The following ABTB3 variants were observed in gnomAD, a reference collection of about 807,000 sequenced individuals.
ABTB3 encodes the protein ankyrin repeat and BTB domain containing 3.
chr12:107,452,237 C>T, the ABTB3 span, among the ~76,000 whole-genome samples: 26 of 125,870 alleles, frequency 2.1e-4, no homozygotes, highest in Non-Finnish European at 3.5e-4. Flanking sequence ...GAGACGGAGT[C>T]TCACTCTGTC....
At chr12:107,429,701 T>C in the ABTB3 span, among the ~76,000 whole-genome samples, 1 of 152,226 alleles carries the variant, frequency 6.6e-6, no homozygotes, top group Non-Finnish European at 1.5e-5. Context: ...GCTTTATGAA[T>C]GCGTAGCTCT....
the ABTB3 span, among the ~76,000 whole-genome samples, chr12:107,410,046 A>T: frequency 6.6e-6 from 1 of 152,230 alleles, no homozygotes; most frequent in Middle Eastern, 3.4e-3. Flanking sequence ...GCCCTGGCCC[A>T]GCTGAGGTTC....
At chr12:107,504,387 AC>A in the ABTB3 span, among the ~76,000 whole-genome samples, 1 of 152,148 alleles carries the variant, frequency 6.6e-6, no homozygotes, top group Non-Finnish European at 1.5e-5. Context: ...GTAAACACAC[AC>A]ACACACACAC....
At chr12:107,646,988 G>A in the ABTB3 span, among the ~76,000 whole-genome samples, 2 of 152,092 alleles carry the variant, frequency 1.3e-5, no homozygotes, top group African/African-American at 4.8e-5. Flanking sequence ...TAGAAGAGAG[G>A]GTGGGAGGTT....
the ABTB3 span, among the ~76,000 whole-genome samples, chr12:107,386,917 G>A: frequency 6.6e-6 from 1 of 151,126 alleles, no homozygotes; most frequent in Non-Finnish European, 1.5e-5. Flanking sequence ...GTGTGTGTGT[G>A]TGTGTGTATG....
the ABTB3 span, among the ~76,000 whole-genome samples, chr12:107,459,616 G>C: frequency 6.6e-6 from 1 of 152,230 alleles, no homozygotes; most frequent in East Asian, 1.9e-4. Context: ...GTGCCCTTCT[G>C]GGGGAAGAAT....
the ABTB3 span, among the ~76,000 whole-genome samples, chr12:107,492,081 G>A: frequency 3.3e-5 from 5 of 152,224 alleles, no homozygotes; most frequent in African/African-American, 1.2e-4. Context: ...AGAATGCAGG[G>A]TGAAGTCGTG....
the ABTB3 span, among the ~76,000 whole-genome samples, chr12:107,451,063 G>A: frequency 1.3e-5 from 2 of 152,004 alleles, no homozygotes; most frequent in African/African-American, 4.8e-5. Flanking sequence ...CCCTTTTGCA[G>A]CACATACGAA....
chr12:107,412,410 A>G, the ABTB3 span, among the ~76,000 whole-genome samples: 1 of 152,214 alleles, frequency 6.6e-6, no homozygotes, highest in African/African-American at 2.4e-5. Context: ...GTCCTGCAAG[A>G]TTGAAAGAGG....
At chr12:107,479,453 T>C in the ABTB3 span, among the ~76,000 whole-genome samples, 1 of 151,974 alleles carries the variant, frequency 6.6e-6, no homozygotes, top group Non-Finnish European at 1.5e-5. Flanking sequence ...AGAAAGTGAA[T>C]GGTCTCCACT....
At chr12:107,435,099 A>T in the ABTB3 span, among the ~76,000 whole-genome samples, 1 of 152,222 alleles carries the variant, frequency 6.6e-6, no homozygotes, top group African/African-American at 2.4e-5. Flanking sequence ...ACTGAACTGC[A>T]TCAGTGCTAC....
chr12:107,595,540 C>G, the ABTB3 span, among the ~76,000 whole-genome samples: 1 of 152,182 alleles, frequency 6.6e-6, no homozygotes. Context: ...ATTTCTTTGG[C>G]ACCCTACGCA....
the ABTB3 span, among the ~76,000 whole-genome samples, chr12:107,462,878 AATG>A: frequency 1.3e-5 from 2 of 150,952 alleles, no homozygotes; most frequent in African/African-American, 4.9e-5. Flanking sequence ...TAGTAGTGAC[AATG>A]ATGATGATGG....
chr12:107,511,662 T>C, the ABTB3 span, among the ~76,000 whole-genome samples: 3 of 152,144 alleles, frequency 2.0e-5, no homozygotes, highest in Non-Finnish European at 2.9e-5. Flanking sequence ...CACATTCTGG[T>C]GGCCAAAGCA....
chr12:107,604,244 C>T, the ABTB3 span, among the ~76,000 whole-genome samples: 40 of 152,088 alleles, frequency 2.6e-4, no homozygotes, highest in African/African-American at 7.2e-4. Context: ...AGCTCGAGTT[C>T]GAGATCAGCC....
At chr12:107,553,199 C>G in the ABTB3 span, among the ~76,000 whole-genome samples, 1 of 152,216 alleles carries the variant, frequency 6.6e-6, no homozygotes. Flanking sequence ...TTATTCTCTA[C>G]TCCCTTAATC....
At chr12:107,546,243 A>G in the ABTB3 span, among the ~76,000 whole-genome samples, 1 of 152,194 alleles carries the variant, frequency 6.6e-6, no homozygotes, top group African/African-American at 2.4e-5. Context: ...TGTAGAATGA[A>G]AGAATGAGCA....
At chr12:107,470,018 C>CTCTCTTTCTT in the ABTB3 span, among the ~76,000 whole-genome samples, 1 of 115,564 alleles carries the variant, frequency 8.7e-6, no homozygotes, top group Non-Finnish European at 1.8e-5. Context: ...CTTTCTCTCT[C>CTCTCTTTCTT]TCTCTCTCTC....
the ABTB3 span, among the ~76,000 whole-genome samples, chr12:107,415,845 G>A: frequency 6.6e-6 from 1 of 152,172 alleles, no homozygotes. Flanking sequence ...ATGACCCCGA[G>A]TTCAAGGTTC....
Sources: gnomAD v4.1 joint callset for allele counts (sites outside exome capture counted in the v4.1 genomes callset) on GRCh38, gnomAD v4.1.1 for gene constraint, MANE v1.5 for transcripts, NCBI Gene and HGNC (gene_info 2026-07-23, HGNC 2026-07-21) for gene names.